Variants in PTPRN2 observed in about 807,000 individuals in gnomAD.
PTPRN2 encodes the protein receptor-type tyrosine-protein phosphatase N2.
A neutral mutation model predicts 118.8 loss-of-function variants in PTPRN2; 74 were observed. That is an observed-to-expected ratio of 0.62 (90% CI 0.52 to 0.76). The LOEUF is 0.76. Among genes scored for constraint, PTPRN2 ranks in the 30% least tolerant of loss-of-function variants. PTPRN2 has a pLI of 0.00. For missense variants in PTPRN2, 1,481 were observed against 1,394.4 expected (o/e 1.06, Z -0.99); for synonymous variants, 641 against 608.0 (o/e 1.05, Z -0.80).
chr7:157,646,981 G>A (rs1472401189), intron 14 of PTPRN2, among the ~76,000 whole-genome samples: 1 of 146,658 alleles, frequency 6.8e-6, no homozygotes, highest in Non-Finnish European at 1.5e-5. Context: ...CCCATTCACT[G>A]TGCACTGAAC....
At chr7:157,971,301 T>C (rs890371976) in intron 11 of PTPRN2, among the ~76,000 whole-genome samples, 1 of 152,220 alleles carries the variant, frequency 6.6e-6, no homozygotes, top group African/African-American at 2.4e-5. Flanking sequence ...CACGAATCCG[T>C]ATTTGAAGAT....
chr7:158,284,027 G>A (rs774841894), intron 3 of PTPRN2, among the ~76,000 whole-genome samples: 1 of 152,156 alleles, frequency 6.6e-6, no homozygotes, highest in East Asian at 1.9e-4. Context: ...GTTTAAGAAC[G>A]CCTGAAAGAC....
chr7:157,703,446 C>T (rs528994265), intron 12 of PTPRN2, among the ~76,000 whole-genome samples: 6 of 152,280 alleles, frequency 3.9e-5, no homozygotes, highest in Middle Eastern at 3.4e-3. Flanking sequence ...GCAGCTGGAA[C>T]CCCCAGCTGG....
chr7:158,402,025 G>A (rs747417140), intron 2 of PTPRN2, among the ~76,000 whole-genome samples: 6 of 152,160 alleles, frequency 3.9e-5, no homozygotes, highest in Admixed American at 6.5e-5. Flanking sequence ...AGAGAGATGA[G>A]GAAAGGGGGT....
At chr7:157,894,085 G>A (rs903626638) in intron 12 of PTPRN2, among the ~76,000 whole-genome samples, 3 of 152,144 alleles carry the variant, frequency 2.0e-5, no homozygotes, top group African/African-American at 4.8e-5. Flanking sequence ...CCTGCCTGAC[G>A]CATATAAATA....
intron 12 of PTPRN2, among the ~76,000 whole-genome samples, chr7:157,772,322 GAC>G (rs1197128453): frequency 1.0e-5 from 1 of 96,796 alleles, no homozygotes; most frequent in African/African-American, 7.0e-5. Flanking sequence ...CATAGACACA[GAC>G]ACACACATAC....
At chr7:158,430,309 G>A (rs745521113) in intron 2 of PTPRN2, among the ~76,000 whole-genome samples, 5 of 152,248 alleles carry the variant, frequency 3.3e-5, no homozygotes, top group Non-Finnish European at 7.3e-5. Context: ...AACTCAGCAT[G>A]GGATGAGGTG....
Position 158,196,636 on chromosome 7 carries a change from C to T in PTPRN2, c.381-4141G>A, listed in dbSNP as rs186146222. The stretch of plus-strand genomic sequence containing the variant: ...CTTCAGGACTACAGAGTCTGCTGTC[C>T]AGACACCCAACCGAGATGTAGCTCC... On this transcript the variant is annotated intron_variant, in intron 4 of 22. Coordinates refer to ENST00000389418, the MANE Select transcript of PTPRN2 (RefSeq NM_002847.5). Among the ~76,000 whole-genome samples, 1,045 of 152,294 alleles carry T rather than the reference C, an allele frequency of 6.9e-3. 30 individuals are homozygous for T. The highest frequency in any genetic ancestry group is 0.047 in the Admixed American group (715 of 15,306).
chr7:158,006,754 T>C (rs1039924684), intron 11 of PTPRN2, among the ~76,000 whole-genome samples: 2 of 152,146 alleles, frequency 1.3e-5, no homozygotes, highest in Non-Finnish European at 2.9e-5. Flanking sequence ...AGAGACTTGT[T>C]TGGGTCTGAC....
intron 2 of PTPRN2, among the ~76,000 whole-genome samples, chr7:158,365,760 T>C (rs1809399783): frequency 7.4e-6 from 1 of 135,672 alleles, no homozygotes. Context: ...CGAAGCCCAG[T>C]GCACACGTGC....
At chr7:158,066,917 G>A (rs4909188) in intron 11 of PTPRN2, among the ~76,000 whole-genome samples, 15 of 152,154 alleles carry the variant, frequency 9.9e-5, no homozygotes, top group Admixed American at 2.0e-4. Flanking sequence ...AAATAAAGAC[G>A]AAATCTTAAG....
chr7:158,073,752 C>G (rs1812131083), intron 11 of PTPRN2, among the ~76,000 whole-genome samples: 1 of 151,478 alleles, frequency 6.6e-6, no homozygotes, highest in African/African-American at 2.4e-5. Flanking sequence ...AGAGTGGAAA[C>G]AGCATTCGCT....
chr7:158,397,388 G>A (rs1007080886), intron 2 of PTPRN2, among the ~76,000 whole-genome samples: 4 of 152,194 alleles, frequency 2.6e-5, no homozygotes, highest in Non-Finnish European at 5.9e-5. Flanking sequence ...GGACCCCCGA[G>A]CAGTTGTGAA....
At chr7:158,218,306 A>G (rs911045000) in intron 3 of PTPRN2, among the ~76,000 whole-genome samples, 1 of 152,210 alleles carries the variant, frequency 6.6e-6, no homozygotes, top group Non-Finnish European at 1.5e-5. Context: ...TTAAAGAAAA[A>G]AAATTCCAAT....
rs1007785215 is a variant in PTPRN2 at position 157,974,643 on chromosome 7, G to A, written c.1724-75906C>T. 5.3e-5 allele frequency among the ~76,000 whole-genome samples: 8 copies of A among 151,540 alleles called. No homozygotes were observed. Among genetic ancestry groups the A allele is most frequent in the Admixed American group, 2.6e-4 (4 of 15,202 alleles). On this transcript the variant is annotated intron_variant, in intron 11 of 22. Transcript: ENST00000389418. The surrounding 1 kb of genome is among the most constrained non-coding windows in gnomAD (Gnocchi z 4.0). ...TGGCAGTGGGAGCCTGGGCAGGGGC[G>A]GGCAGGGCTCTGTGGTAAGACACAG...
intron 6 of PTPRN2, among the ~76,000 whole-genome samples, chr7:158,141,433 G>T (rs1238524434): frequency 1.3e-5 from 2 of 152,198 alleles, no homozygotes; most frequent in Non-Finnish European, 2.9e-5. Context: ...GTCCCCACGT[G>T]CCCCGTTCAC....
chr7:158,264,205 G>A (rs1277745473), intron 3 of PTPRN2, among the ~76,000 whole-genome samples: 1 of 152,176 alleles, frequency 6.6e-6, no homozygotes, highest in African/African-American at 2.4e-5. Context: ...GTTTAGAGTT[G>A]GTAACGACCG....
intron 1 of PTPRN2, among the ~76,000 whole-genome samples, chr7:158,495,668 G>A (rs750135069): frequency 6.6e-6 from 1 of 152,152 alleles, no homozygotes; most frequent in Non-Finnish European, 1.5e-5. Context: ...AAACCAGGGC[G>A]GCATCCAGGC....
chr7:158,151,682 C>T (rs1428672325), intron 6 of PTPRN2, among the ~76,000 whole-genome samples: 1 of 152,074 alleles, frequency 6.6e-6, no homozygotes, highest in Non-Finnish European at 1.5e-5. Context: ...GTTTCCTTTC[C>T]CTTCTTTCTT....
Sources: gnomAD v4.1 joint callset for allele counts (sites outside exome capture counted in the v4.1 genomes callset) on GRCh38, gnomAD v4.1.1 for gene constraint, Gnocchi (gnomAD v3.1) non-coding constraint, MANE v1.5 for transcripts, NCBI Gene and HGNC (gene_info 2026-07-23, HGNC 2026-07-21) for gene names.